Variants in CARMIL1 observed in about 807,000 individuals in gnomAD.
CARMIL1 encodes capping protein regulator and myosin 1 linker 1, also known as F-actin-uncapping protein LRRC16A.
In CARMIL1, 90 loss-of-function variants were observed where a neutral mutation model predicts 177.1. That is an observed-to-expected ratio of 0.51 (90% confidence interval 0.43 to 0.61). The LOEUF (loss-of-function observed/expected upper bound fraction) is 0.61, where lower values mean the gene tolerates loss of function less well. CARMIL1 is among the 20% of genes least tolerant of loss of function. The probability of loss-of-function intolerance (pLI) is 0.00; values close to 1 mark genes in which losing one functional copy is unlikely to be tolerated. For synonymous variants in CARMIL1, 577 were observed against 606.2 expected, an observed-to-expected ratio of 0.95 and a Z score of 0.71; for missense variants, 1,380 against 1,667.0, an observed-to-expected ratio of 0.83 and a Z score of 3.00.
At chr6:25,441,322 T>A (rs868547024) in intron 5 of CARMIL1, among the ~76,000 whole-genome samples, 11 of 56,778 alleles carry the variant, frequency 1.9e-4, no homozygotes, top group South Asian at 7.0e-4. Flanking sequence ...CAAACAAACA[T>A]ATATATATAT....
At chr6:25,451,396 TTTAG>T (rs1405220832) in intron 8 of CARMIL1, among the ~76,000 whole-genome samples, 1 of 152,180 alleles carries the variant, frequency 6.6e-6, no homozygotes, top group African/African-American at 2.4e-5. Context: ...AGATATGACT[TTTAG>T]TTCAGAGTTT....
At chr6:25,357,027 A>C (rs1788689705) in intron 2 of CARMIL1, among the ~76,000 whole-genome samples, 1 of 148,362 alleles carries the variant, frequency 6.7e-6, no homozygotes, top group African/African-American at 2.5e-5. Flanking sequence ...GGGGTTAACT[A>C]TTGGGGTAGG....
intron 2 of CARMIL1, among the ~76,000 whole-genome samples, chr6:25,289,653 A>C (rs150506671): frequency 6.4e-4 from 98 of 152,286 alleles, no homozygotes; most frequent in Middle Eastern, 3.4e-3. Context: ...CTCCATTTCT[A>C]TAAATTTGTC....
chr6:25,280,095 G>T (rs1337267818), intron 1 of CARMIL1, among the ~76,000 whole-genome samples: 3 of 152,200 alleles, frequency 2.0e-5, no homozygotes, highest in Admixed American at 6.5e-5. Flanking sequence ...TCGACTGTGA[G>T]CCCTGGGCAC....
chr6:25,551,174 C>A, intron 27 of CARMIL1, 89 bp downstream of exon 27: 1 of 983,240 alleles, frequency 1.0e-6, no homozygotes, highest in Non-Finnish European at 1.5e-6. Flanking sequence ...TTGGCTGTAT[C>A]CATATATAAT....
In CARMIL1 at chr6:25,502,288, G is replaced by A. The variant is rs189266510; in HGVS notation, c.1395+2053G>A. 1.7e-3 allele frequency among the ~76,000 whole-genome samples: 263 copies of A among 151,688 alleles called. 1 individual carries two copies. The highest frequency in any genetic ancestry group is 2.7e-3 in the Non-Finnish European group (181 of 67,938). ...ACAAAAAAAAAACACCAGGCTGGGCGCGGTCAATGCCTGTAATCCCAGCAC... is the reference window on the plus strand; with the variant it reads ...ACAAAAAAAAAACACCAGGCTGGGCACGGTCAATGCCTGTAATCCCAGCAC... On this transcript the variant is annotated intron_variant, in intron 17 of 36. Transcript: ENST00000329474.
chr6:25,427,012 G>A (rs1052906093), intron 4 of CARMIL1, among the ~76,000 whole-genome samples: 1 of 152,142 alleles, frequency 6.6e-6, no homozygotes, highest in Non-Finnish European at 1.5e-5. Flanking sequence ...GTTGACATAT[G>A]TATGACTCTG....
chr6:25,582,286 G>A (rs962398109), intron 31 of CARMIL1, among the ~76,000 whole-genome samples: 5 of 152,084 alleles, frequency 3.3e-5, no homozygotes, highest in South Asian at 2.1e-4. Context: ...GAGATTTCCC[G>A]TTGATCTCTG....
intron 2 of CARMIL1, among the ~76,000 whole-genome samples, chr6:25,315,534 C>T (rs996110395): frequency 1.3e-5 from 2 of 152,212 alleles, no homozygotes; most frequent in East Asian, 3.9e-4. Context: ...CTCCTCCATA[C>T]CGCTGCCTGC....
At chr6:25,383,239 A>G (rs1055728335) in intron 2 of CARMIL1, among the ~76,000 whole-genome samples, 2 of 152,172 alleles carry the variant, frequency 1.3e-5, no homozygotes, top group Non-Finnish European at 2.9e-5. Flanking sequence ...GGAATAAGGT[A>G]GGCTCGGATG....
chr6:25,385,680 A>G (rs1328926282), intron 2 of CARMIL1, among the ~76,000 whole-genome samples: 3 of 152,168 alleles, frequency 2.0e-5, no homozygotes, highest in Non-Finnish European at 2.9e-5. Context: ...CTAGAGTTAT[A>G]TATTGATTTG....
intron 26 of CARMIL1, 81 bp from the exon 27 acceptor site, chr6:25,550,829 A>G: frequency 2.3e-6 from 3 of 1,319,864 alleles, no homozygotes; most frequent in Non-Finnish European, 3.2e-6. Flanking sequence ...TCCGTGTCAT[A>G]TATAACCACC....
intron 2 of CARMIL1, among the ~76,000 whole-genome samples, chr6:25,397,476 G>T (rs1347562899): frequency 6.6e-6 from 1 of 152,176 alleles, no homozygotes; most frequent in African/African-American, 2.4e-5. Flanking sequence ...GCATAGGGTG[G>T]GGCAGATAGG....
chr6:25,300,386 G>A (rs1782759931), intron 2 of CARMIL1, among the ~76,000 whole-genome samples: 1 of 152,170 alleles, frequency 6.6e-6, no homozygotes, highest in Non-Finnish European at 1.5e-5. Context: ...GCAAAAGCAG[G>A]CCAAGCGTGG....
intron 2 of CARMIL1, among the ~76,000 whole-genome samples, chr6:25,367,618 G>A (rs1789963744): frequency 6.6e-6 from 1 of 152,038 alleles, no homozygotes; most frequent in Non-Finnish European, 1.5e-5. Flanking sequence ...ACTTGGAGAG[G>A]GAAGAGTTAA....
At chr6:25,387,480 T>C (rs1792301633) in intron 2 of CARMIL1, among the ~76,000 whole-genome samples, 1 of 152,246 alleles carries the variant, frequency 6.6e-6, no homozygotes, top group Non-Finnish European at 1.5e-5. Flanking sequence ...CTGAATTTTC[T>C]AAGTGAAGAA....
intron 2 of CARMIL1, among the ~76,000 whole-genome samples, chr6:25,288,483 T>G (rs1279150904): frequency 6.6e-6 from 1 of 151,936 alleles, no homozygotes; most frequent in African/African-American, 2.4e-5. Context: ...ATCAGGTTTT[T>G]TTTTTTTTTT....
intron 26 of CARMIL1, among the ~76,000 whole-genome samples, chr6:25,546,624 C>T (rs145965745): frequency 0.015 from 2,148 of 146,904 alleles, 34 homozygotes; most frequent in African/African-American, 0.042. Context: ...CACTGCACTC[C>T]AGCCTGGGTG....
intron 2 of CARMIL1, among the ~76,000 whole-genome samples, chr6:25,383,181 A>G (rs1335846662): frequency 1.3e-5 from 2 of 152,030 alleles, no homozygotes; most frequent in Admixed American, 6.6e-5. Flanking sequence ...AACATAGAAG[A>G]TTGTTCCCTA....
Sources: allele counts gnomAD v4.1 joint callset (sites outside exome capture counted in the v4.1 genomes callset), GRCh38; gene constraint gnomAD v4.1.1; transcripts MANE v1.5; gene names NCBI Gene and HGNC (gene_info 2026-07-23, HGNC 2026-07-21).